FSTL5: variants seen among roughly 807,000 people sequenced by gnomAD.
The protein encoded by FSTL5 is follistatin like 5, also known as follistatin-related protein 5.
Under a neutral mutation model 89.1 loss-of-function variants are expected in FSTL5, and 62 were observed. The observed-to-expected ratio is 0.70, with a 90% confidence interval of 0.57 to 0.86. The LOEUF is 0.86. Among genes scored for constraint, FSTL5 ranks in the 40% least tolerant of loss-of-function variants. The pLI, the probability that FSTL5 is intolerant of heterozygous loss-of-function variation, is 0.00. For missense variants in FSTL5, 1,057 were observed against 1,001.6 expected, an observed-to-expected ratio of 1.06 and a Z score of -0.75; for synonymous variants, 383 against 346.2, an observed-to-expected ratio of 1.11 and a Z score of -1.18.
intron 4 of FSTL5, among the ~76,000 whole-genome samples, chr4:161,887,420 TATCTATC>T (rs201579201): frequency 0.22 from 11,927 of 53,558 alleles, 536 homozygotes; most frequent in East Asian, 0.34. Flanking sequence ...TCTATCTATC[TATCTATC>T]ATCTATCTAC....
chr4:161,454,929 T>C, intron 15 of FSTL5, 75 bp downstream of exon 15: 1 of 1,403,634 alleles, frequency 7.1e-7, no homozygotes, highest in Non-Finnish European at 9.9e-7. Context: ...TCTAAGTTTC[T>C]TTACGATTTC....
intron 7 of FSTL5, among the ~76,000 whole-genome samples, chr4:161,621,116 C>T (rs992244054): frequency 2.0e-5 from 3 of 152,104 alleles, no homozygotes; most frequent in Non-Finnish European, 2.9e-5. Flanking sequence ...ACAAGATGTA[C>T]CGTATGGAGG....
At chr4:161,788,129 GT>G (rs1437475351) in intron 4 of FSTL5, among the ~76,000 whole-genome samples, 1 of 152,030 alleles carries the variant, frequency 6.6e-6, no homozygotes, top group Non-Finnish European at 1.5e-5. Context: ...AGTTTTATTG[GT>G]TTTTAATTGA....
chr4:161,522,984 G>C (rs1321076301), intron 10 of FSTL5, among the ~76,000 whole-genome samples: 1 of 151,838 alleles, frequency 6.6e-6, no homozygotes, highest in Non-Finnish European at 1.5e-5. Context: ...AATCATCAAA[G>C]GAATAATAGC....
intron 3 of FSTL5, among the ~76,000 whole-genome samples, chr4:161,988,202 C>G (rs745958622): frequency 5.3e-5 from 8 of 151,662 alleles, no homozygotes; most frequent in Non-Finnish European, 8.8e-5. Flanking sequence ...TTTGTCCCAT[C>G]GTATTCAGCA....
At chr4:161,429,990 A>G (rs1479973272) in intron 15 of FSTL5, among the ~76,000 whole-genome samples, 2 of 152,196 alleles carry the variant, frequency 1.3e-5, no homozygotes, top group Admixed American at 6.5e-5. Context: ...GAAACTCAGG[A>G]TATCACAGAG....
chr4:161,498,828 C>T (rs72683734), intron 12 of FSTL5, among the ~76,000 whole-genome samples: 29,901 of 152,014 alleles, frequency 0.2, 3,793 homozygotes, highest in Non-Finnish European at 0.28. Flanking sequence ...TATTCATGTG[C>T]TTATGTATTA....
chr4:161,957,559 A>C (rs989895604), intron 3 of FSTL5, among the ~76,000 whole-genome samples: 2 of 152,086 alleles, frequency 1.3e-5, no homozygotes, highest in Non-Finnish European at 2.9e-5. Flanking sequence ...TTCTTAATAA[A>C]TGGAAATATG....
chr4:161,904,029 A>C (rs1174255329), intron 4 of FSTL5, among the ~76,000 whole-genome samples: 1 of 152,128 alleles, frequency 6.6e-6, no homozygotes, highest in Non-Finnish European at 1.5e-5. Flanking sequence ...ATTTCCTTGA[A>C]TATCCTAAAA....
At chr4:161,627,312 G>A (rs1735348201) in intron 7 of FSTL5, among the ~76,000 whole-genome samples, 1 of 152,142 alleles carries the variant, frequency 6.6e-6, no homozygotes, top group Admixed American at 6.5e-5. Flanking sequence ...AAAAGAGTAT[G>A]ACTTGCTGAA....
chr4:161,564,454 A>C (rs940695022), intron 8 of FSTL5, among the ~76,000 whole-genome samples: 4 of 150,948 alleles, frequency 2.6e-5, no homozygotes, highest in Non-Finnish European at 3.0e-5. Context: ...TTTTGCTAAA[A>C]TATAACAATA....
chr4:161,887,880 C>A (rs1246124871), intron 4 of FSTL5, among the ~76,000 whole-genome samples: 1 of 152,260 alleles, frequency 6.6e-6, no homozygotes, highest in East Asian at 1.9e-4. Flanking sequence ...AAGAATAACA[C>A]CTTGCCAAGC....
chr4:161,397,106 G>A (rs1231388836), intron 15 of FSTL5, among the ~76,000 whole-genome samples: 1 of 152,082 alleles, frequency 6.6e-6, no homozygotes, highest in Non-Finnish European at 1.5e-5. Context: ...ACTTCTGTTT[G>A]TATGCCTTTA....
chr4:162,027,900 A>T (rs1001839133), intron 3 of FSTL5, among the ~76,000 whole-genome samples: 1 of 152,174 alleles, frequency 6.6e-6, no homozygotes, highest in Non-Finnish European at 1.5e-5. Context: ...TTTTTAATAA[A>T]ATAAATCCGA....
intron 6 of FSTL5, among the ~76,000 whole-genome samples, chr4:161,756,420 T>C (rs901564858): frequency 2.0e-5 from 3 of 152,070 alleles, no homozygotes; most frequent in African/African-American, 7.2e-5. Context: ...CTACAAACAA[T>C]TTCCATAAAA....
chr4:161,389,553 T>C (rs1409890244), intron 15 of FSTL5, among the ~76,000 whole-genome samples: 1 of 152,178 alleles, frequency 6.6e-6, no homozygotes, highest in Non-Finnish European at 1.5e-5. Flanking sequence ...TTGAAGAGAC[T>C]TGTTTTGGAT....
chr4:161,587,070 C>T (rs965871743), intron 8 of FSTL5, among the ~76,000 whole-genome samples: 3 of 151,990 alleles, frequency 2.0e-5, no homozygotes, highest in South Asian at 2.1e-4. Flanking sequence ...ATAAAACTTG[C>T]TATACATGAA....
chr4:161,596,794 T>C (rs1347689833), intron 7 of FSTL5, among the ~76,000 whole-genome samples: 1 of 152,164 alleles, frequency 6.6e-6, no homozygotes, highest in Non-Finnish European at 1.5e-5. Flanking sequence ...GAAAAAGTTT[T>C]GAATGGAGTA....
At chr4:161,520,813 T>C (rs1730997351) in intron 10 of FSTL5, among the ~76,000 whole-genome samples, 1 of 152,212 alleles carries the variant, frequency 6.6e-6, no homozygotes, top group Non-Finnish European at 1.5e-5. Context: ...ACTTTAAGCA[T>C]GGCAGAATTT....
Sources: gnomAD v4.1 joint callset for allele counts (sites outside exome capture counted in the v4.1 genomes callset) on GRCh38, gnomAD v4.1.1 for gene constraint, MANE v1.5 for transcripts, NCBI Gene and HGNC (gene_info 2026-07-23, HGNC 2026-07-21) for gene names.